PASK: variants seen among roughly 807,000 people sequenced by gnomAD.
The protein encoded by PASK is PAS domain-containing serine/threonine-protein kinase.
A neutral mutation model predicts 121.0 loss-of-function variants in PASK; 110 were observed. That is an observed-to-expected ratio of 0.91 (90% CI 0.78 to 1.06). PASK has a LOEUF of 1.06. Ranked by LOEUF, PASK falls within the 50% of genes least tolerant of loss-of-function variation. The pLI is 0.00. For missense variants in PASK, 1,643 were observed against 1,702.3 expected, an observed-to-expected ratio of 0.97 and a Z score of 0.61; for synonymous variants, 686 against 717.8, an observed-to-expected ratio of 0.96 and a Z score of 0.71.
At position 241,139,890 on chromosome 2, in the gene PASK, T is replaced by TGCACCACCGC. The variant is rs2066621532; in HGVS notation, c.594_595insGCGGTGGTGC (p.Thr199AlafsTer12). The TGCACCACCGC allele has an allele frequency of 6.2e-7, 1 of 1,613,984 alleles. No individual in the cohort carries two copies. Among genetic ancestry groups the TGCACCACCGC allele is most frequent in the African/African-American group, 1.3e-5 (1 of 74,938 alleles). ...CTGCACCCGCATCCACTCACCACCGTGCCAAACACCACCGCAGCGTGGCCG... is the reference window on the plus strand; with the variant it reads ...CTGCACCCGCATCCACTCACCACCGTGCACCACCGCGCCAAACACCACCGCAGCGTGGCCG... On this transcript the variant is annotated frameshift_variant, in exon 4 of 18. Transcript: ENST00000234040. LOFTEE classifies it high-confidence loss of function.
At chr2:241,106,959 T>C (rs565108544) in intron 17 of PASK, among the ~76,000 whole-genome samples, 6 of 152,312 alleles carry the variant, frequency 3.9e-5, no homozygotes, top group African/African-American at 1.4e-4. Flanking sequence ...GCCAGAGCCT[T>C]GTCTGAAGAG....
rs367678856 is a variant in PASK at position 241,108,137 on chromosome 2, G to A, written c.3667+30C>T. On this transcript the variant is annotated intron_variant, in intron 16 of 17. Transcript: ENST00000234040. The surrounding 1 kb of genome is among the most constrained non-coding windows in gnomAD (Gnocchi z 5.2). The stretch of plus-strand genomic sequence containing the variant: ...GTGGCTGGTCTCTAAGGACAGTGTC[G>A]ACTGTCTACCACTTGCAGCTCACGC... 7.3e-5 allele frequency: 117 copies of A among 1,612,960 alleles called. No homozygotes were observed. The Middle Eastern group carries it at 1.5e-3, about 20-fold the overall frequency.
chr2:241,149,611 A>G, upstream of PASK: 1 of 1,527,136 alleles, frequency 6.5e-7, no homozygotes, highest in East Asian at 2.5e-5. Flanking sequence ...GACGCACCAA[A>G]CACCCCTACG....
rs1243376707 is a variant in PASK at position 241,115,912 on chromosome 2, C to T, written c.3073-499G>A. Among the ~76,000 whole-genome samples, 3 of 131,042 alleles carry T rather than the reference C, an allele frequency of 2.3e-5. 1 individual carries two copies. Among genetic ancestry groups the T allele is most frequent in the Non-Finnish European group, 4.6e-5 (3 of 64,804 alleles). 86.0% of individuals were successfully genotyped at this position (131,042 alleles called of 152,430 possible). A position where few individuals can be genotyped will look rare whatever the true frequency, so the allele number is the denominator to read the frequency against. Reference sequence around the variant, plus strand: ...GGGGCCACTCGGTCCTCAAGCATCCCGTTACACCAGGGGCCACCATCAGTC... The same window carrying T: ...GGGGCCACTCGGTCCTCAAGCATCCTGTTACACCAGGGGCCACCATCAGTC... On this transcript the variant is annotated intron_variant, in intron 12 of 17. Coordinates refer to ENST00000234040, the MANE Select transcript of PASK (RefSeq NM_015148.4).
At chr2:241,150,274 C>T (rs899992688), upstream of PASK, 13 of 1,319,170 alleles carry the variant, frequency 9.9e-6, no homozygotes, top group Non-Finnish European at 1.3e-5. Flanking sequence ...CGCCTCCAGA[C>T]TGTTCCGGCT....
At chr2:241,127,836 C>G (rs569492829) in intron 9 of PASK, 1 of 348,684 alleles carries the variant, frequency 2.9e-6, no homozygotes, top group Admixed American at 4.0e-5. Context: ...TGAGAGGAAA[C>G]GAGAGAGAGA....
intron 1 of PASK, 113 bp downstream of exon 1, chr2:241,149,301 A>C (rs1397188991): frequency 1.1e-5 from 2 of 184,906 alleles, no homozygotes; most frequent in Non-Finnish European, 1.1e-5. Flanking sequence ...GGGCTGGTCT[A>C]AGAGTCGGGC....
intron 9 of PASK, among the ~76,000 whole-genome samples, chr2:241,132,527 TAAAAA>T (rs71049553): frequency 1.0e-4 from 4 of 39,532 alleles, no homozygotes; most frequent in Admixed American, 2.5e-4. Flanking sequence ...AGACTCTGTC[TAAAAA>T]AAAAAAAAAA....
Position 241,131,937 on chromosome 2 carries a change from T to C in PASK, c.1463+937A>G, listed in dbSNP as rs1378080128. On this transcript the variant is annotated intron_variant, in intron 9 of 17. Transcript: ENST00000234040. ...GGCGTGGTGGCAGGTGCCTGTAGTC[T>C]CAGCTACTCAGGAGGCTGAGGCAGG... 9.3e-5 allele frequency among the ~76,000 whole-genome samples: 14 copies of C among 150,236 alleles called. 1 individual carries two copies. Among genetic ancestry groups the C allele is most frequent in the African/African-American group, 2.9e-4 (12 of 40,772 alleles).
chr2:241,136,984 G>A lies in PASK; in HGVS notation c.1137+20C>T. 3.7e-6 allele frequency: 6 copies of A among 1,610,734 alleles called. No homozygotes were observed. The highest frequency in any genetic ancestry group is 4.2e-6 in the Non-Finnish European group (5 of 1,179,086). On this transcript the variant is annotated intron_variant, in intron 7 of 17. Transcript: ENST00000234040. ...GCTTCCTCCCAGGGAACGGGAGCCA[G>A]GCGCCCAGGGCAGCCCCACCTTGCC...
Position 241,106,643 on chromosome 2 carries a change from C to G in PASK, c.3895G>C (p.Gly1299Arg). ...SDVAQAQELC[G>R]GPVPGEAPNG... ...GGAGCCTCGCCTGGAACGGGGCCCCCACAAAGCTCCTGAGCCTGGGCCACA... is the reference window on the plus strand; with the variant it reads ...GGAGCCTCGCCTGGAACGGGGCCCCGACAAAGCTCCTGAGCCTGGGCCACA... The change falls in exon 18 of 18, where the codon GGG becomes CGG. Residue 1299 changes from glycine to arginine, a missense_variant. Gly to Arg is a moderately radical substitution (Grantham distance 125, BLOSUM62 -2). Coordinates refer to ENST00000234040, the MANE Select transcript of PASK (RefSeq NM_015148.4). The G allele has an allele frequency of 4.3e-6, 7 of 1,614,226 alleles. No homozygotes were observed. Among genetic ancestry groups the G allele is most frequent in the East Asian group, 2.2e-5 (1 of 44,888 alleles).
chr2:241,141,201 T>G (rs920693015), intron 2 of PASK, among the ~76,000 whole-genome samples: 10 of 152,196 alleles, frequency 6.6e-5, no homozygotes, highest in African/African-American at 2.4e-4. Context: ...GCAGGAGGAT[T>G]GCCTGAGCCC....
intron 2 of PASK, chr2:241,140,968 C>A: frequency 1.7e-6 from 1 of 602,676 alleles, no homozygotes; most frequent in South Asian, 1.9e-5. Context: ...GAAGCACAAA[C>A]AGCATAAGAT....
intron 12 of PASK, among the ~76,000 whole-genome samples, chr2:241,115,833 T>A (rs796332105): frequency 4.4e-5 from 4 of 91,176 alleles, no homozygotes; most frequent in Non-Finnish European, 8.1e-5. Context: ...CACCCAGTCC[T>A]CAAGCATCCC....
chr2:241,114,408 C>T (rs10187363), intron 14 of PASK: 161,976 of 986,322 alleles, frequency 0.16, 16,301 homozygotes, highest in East Asian at 0.56. Flanking sequence ...TCCAGTTCTT[C>T]TGGGGGAGCT....
chr2:241,125,165 G>A (rs1236505537), intron 10 of PASK, among the ~76,000 whole-genome samples: 1 of 151,990 alleles, frequency 6.6e-6, no homozygotes, highest in African/African-American at 2.4e-5. Context: ...GCTGGGTGTG[G>A]TGGCACACGC....
At chr2:241,107,800 G>T (rs2064949707) in intron 16 of PASK, among the ~76,000 whole-genome samples, 1 of 152,162 alleles carries the variant, frequency 6.6e-6, no homozygotes, top group Non-Finnish European at 1.5e-5. Context: ...AATAACGCAG[G>T]GTTAACATGA....
chr2:241,114,966 A>G (rs1394884919), intron 14 of PASK, 77 bp downstream of exon 14: 1 of 1,611,918 alleles, frequency 6.2e-7, no homozygotes, highest in African/African-American at 1.3e-5. Flanking sequence ...CCGAGTATGG[A>G]TCACTGATCT....
chr2:241,113,340 G>A (rs1021829327), intron 14 of PASK: 3 of 134,758 alleles, frequency 2.2e-5, no homozygotes, highest in Non-Finnish European at 3.5e-5. Context: ...ATAAATATAC[G>A]CATATTTATA....
Sources: gnomAD v4.1 joint callset for allele counts (sites outside exome capture counted in the v4.1 genomes callset) on GRCh38, gnomAD v4.1.1 for gene constraint, Gnocchi (gnomAD v3.1) non-coding constraint, MANE v1.5 for transcripts, NCBI Gene and HGNC (gene_info 2026-07-23, HGNC 2026-07-21) for gene names.